The following COBL variants were observed in gnomAD, a reference collection of about 807,000 sequenced individuals.
The protein encoded by COBL is cordon-bleu WH2 repeat protein, also known as protein cordon-bleu.
A neutral mutation model predicts 98.8 loss-of-function variants in COBL; 51 were observed. The ratio of observed to expected loss-of-function variants is 0.52; its 90% CI spans 0.41 to 0.65. COBL has a LOEUF of 0.65. Among genes scored for constraint, COBL ranks in the 30% least tolerant of loss-of-function variants. The probability of loss-of-function intolerance (pLI) is 0.00; values close to 1 mark genes in which losing one functional copy is unlikely to be tolerated. For synonymous variants in COBL, 634 were observed against 651.7 expected (o/e 0.97, Z 0.41); for missense variants, 1,617 against 1,617.5 (o/e 1.00, Z 0.01).
intron 7 of COBL, among the ~76,000 whole-genome samples, chr7:51,058,981 C>T (rs182514155): frequency 1.8e-3 from 276 of 152,340 alleles, no homozygotes; most frequent in Non-Finnish European, 2.7e-3. Context: ...TCCCATGTCC[C>T]CAGACTGCAC....
At position 51,228,402 on chromosome 7, in the gene COBL, TA is replaced by T. The variant is rs5884197; in HGVS notation, c.42-8459del. 1.3e-4 allele frequency among the ~76,000 whole-genome samples: 20 copies of T among 148,504 alleles called. No homozygotes were observed. In the South Asian group the frequency reaches 2.8e-3, roughly 21 times the overall value. On this transcript the variant is annotated intron_variant, in intron 1 of 12. Coordinates refer to ENST00000265136, the MANE Select transcript of COBL (RefSeq NM_015198.5). ...TATTAGCACGCTTACTCTTTTGGAT[TA>T]AAAAAAAAAGAAGCAGGCCTCTTGT...
At chr7:51,071,487 A>T (rs1444425741) in intron 7 of COBL, 1 of 152,176 alleles carries the variant, frequency 6.6e-6, no homozygotes, top group African/African-American at 2.4e-5. Context: ...TTTATGATCA[A>T]GTAAATTGGG....
chr7:51,043,072 G>T (rs1489891113), intron 8 of COBL, among the ~76,000 whole-genome samples: 2 of 152,100 alleles, frequency 1.3e-5, no homozygotes, highest in African/African-American at 4.8e-5. Context: ...CAGGAAAACA[G>T]GTAAATAAAT....
intron 1 of COBL, among the ~76,000 whole-genome samples, chr7:51,274,783 G>A (rs1031373346): frequency 1.3e-5 from 2 of 152,146 alleles, no homozygotes; most frequent in Admixed American, 1.3e-4. Context: ...AAACAACAGT[G>A]TAAGTATTAA....
At chr7:51,283,658 T>C (rs962230766) in intron 1 of COBL, among the ~76,000 whole-genome samples, 2 of 152,106 alleles carry the variant, frequency 1.3e-5, no homozygotes, top group Non-Finnish European at 2.9e-5. Flanking sequence ...CTAATTTTTG[T>C]ATTTTTAGTA....
intron 5 of COBL, among the ~76,000 whole-genome samples, chr7:51,179,593 T>A (rs1788737380): frequency 6.6e-6 from 1 of 152,116 alleles, no homozygotes; most frequent in Non-Finnish European, 1.5e-5. Context: ...TACCGAAAAA[T>A]TTGATGTGTC....
At chr7:51,042,006 T>C (rs1346053051) in intron 8 of COBL, among the ~76,000 whole-genome samples, 2 of 152,154 alleles carry the variant, frequency 1.3e-5, no homozygotes. Flanking sequence ...GGACACTTGA[T>C]GTCTGACCAT....
At chr7:51,310,785 A>G (rs913246863) in intron 1 of COBL, among the ~76,000 whole-genome samples, 3 of 152,106 alleles carry the variant, frequency 2.0e-5, no homozygotes, top group African/African-American at 7.2e-5. Context: ...CAGCCTCCCA[A>G]GTAGCTGGGA....
Position 51,216,700 on chromosome 7 carries a change from T to A in COBL, c.245+3041A>T, listed in dbSNP as rs1321516086. On this transcript the variant is annotated intron_variant, in intron 2 of 12. Transcript: ENST00000265136. ...AAAAAAAAAATTCACTGATTTTCCA[T>A]ATGGGATTATCAGCATCCAATTACT... 2.6e-5 allele frequency among the ~76,000 whole-genome samples: 4 copies of A among 152,302 alleles called. No homozygotes were observed. In the East Asian group the frequency reaches 7.7e-4, roughly 29 times the overall value.
At chr7:51,292,412 G>A (rs1800992367) in intron 1 of COBL, among the ~76,000 whole-genome samples, 1 of 152,156 alleles carries the variant, frequency 6.6e-6, no homozygotes, top group Non-Finnish European at 1.5e-5. Flanking sequence ...ATTAGAATGA[G>A]TACTATTTAA....
chr7:51,122,506 AGGTTGTT>A (rs1797829674), intron 6 of COBL, among the ~76,000 whole-genome samples: 1 of 152,240 alleles, frequency 6.6e-6, no homozygotes, highest in Non-Finnish European at 1.5e-5. Flanking sequence ...ATTTTTAGAA[AGGTTGTT>A]TTGTACCATC....
At chr7:51,302,372 G>A (rs916981462) in intron 1 of COBL, among the ~76,000 whole-genome samples, 5 of 151,932 alleles carry the variant, frequency 3.3e-5, no homozygotes, top group African/African-American at 7.3e-5. Context: ...ACCTGAGGTC[G>A]GGAGTTCGAG....
chr7:51,115,379 C>T (rs1385929195), intron 6 of COBL, among the ~76,000 whole-genome samples: 1 of 151,766 alleles, frequency 6.6e-6, no homozygotes, highest in African/African-American at 2.4e-5. Flanking sequence ...TGATTCTTAA[C>T]CTTTAGTTTT....
At chr7:51,024,095 G>C (rs1257231381) in intron 12 of COBL, among the ~76,000 whole-genome samples, 1 of 152,064 alleles carries the variant, frequency 6.6e-6, no homozygotes, top group East Asian at 1.9e-4. Flanking sequence ...GGATCATGAG[G>C]TCAGGAGATC....
At chr7:51,020,902 T>C (rs747734940) in intron 12 of COBL, 1 of 152,270 alleles carries the variant, frequency 6.6e-6, no homozygotes, top group Non-Finnish European at 1.5e-5. Flanking sequence ...TTATTCCTCC[T>C]ACATCAAATT....
chr7:51,113,838 T>C (rs1797045528), intron 6 of COBL, among the ~76,000 whole-genome samples: 3 of 152,210 alleles, frequency 2.0e-5, no homozygotes, highest in Non-Finnish European at 4.4e-5. Flanking sequence ...AACCTAAGGT[T>C]GTCTGTTTTA....
At chr7:51,300,833 C>T (rs949626192) in intron 1 of COBL, among the ~76,000 whole-genome samples, 1 of 152,176 alleles carries the variant, frequency 6.6e-6, no homozygotes. Flanking sequence ...CCTGGAAAAC[C>T]CTTCCCACCC....
intron 1 of COBL, among the ~76,000 whole-genome samples, chr7:51,222,533 G>A (rs1283524210): frequency 1.3e-5 from 2 of 152,074 alleles, no homozygotes; most frequent in African/African-American, 4.8e-5. Flanking sequence ...TTCAAAGCCT[G>A]AAATTTTAAC....
intron 1 of COBL, among the ~76,000 whole-genome samples, chr7:51,237,182 C>A (rs558515149): frequency 1.3e-5 from 2 of 152,198 alleles, no homozygotes; most frequent in African/African-American, 4.8e-5. Flanking sequence ...AGATCTGCCA[C>A]CCTGTCCCTC....
Sources: gnomAD v4.1 joint callset for allele counts (sites outside exome capture counted in the v4.1 genomes callset) on GRCh38, gnomAD v4.1.1 for gene constraint, MANE v1.5 for transcripts, NCBI Gene and HGNC (gene_info 2026-07-23, HGNC 2026-07-21) for gene names.